The following TBC1D14 variants were observed in gnomAD, a reference collection of about 807,000 sequenced individuals.
The protein encoded by TBC1D14 is TBC1 domain family member 14.
In TBC1D14, 26 loss-of-function variants were observed where a neutral mutation model predicts 79.0. The ratio of observed to expected loss-of-function variants is 0.33; its 90% CI spans 0.24 to 0.46. The LOEUF (loss-of-function observed/expected upper bound fraction) is 0.46. Ranked by LOEUF, TBC1D14 falls within the 20% of genes least tolerant of loss-of-function variation. The probability of loss-of-function intolerance (pLI) is 1.00; values close to 1 mark genes in which losing one functional copy is unlikely to be tolerated. For synonymous variants in TBC1D14, 394 were observed against 349.9 expected, an observed-to-expected ratio of 1.13 and a Z score of -1.40; for missense variants, 769 against 887.6, an observed-to-expected ratio of 0.87 and a Z score of 1.70.
At chr4:7,027,972 A>AC (rs201452816) in intron 13 of TBC1D14, among the ~76,000 whole-genome samples, 611 of 45,858 alleles carry the variant, frequency 0.013, 8 homozygotes, top group Non-Finnish European at 0.014. Flanking sequence ...CACATTGCCC[A>AC]CCCCCCCACA....
intron 2 of TBC1D14, among the ~76,000 whole-genome samples, chr4:6,966,329 A>G (rs532712886): frequency 6.6e-6 from 1 of 152,350 alleles, no homozygotes; most frequent in South Asian, 2.1e-4. Flanking sequence ...GATACAGTGC[A>G]TTCCAAAATT....
chr4:6,997,362 C>T (rs1203428502), intron 5 of TBC1D14: 7 of 152,300 alleles, frequency 4.6e-5, no homozygotes, highest in Admixed American at 4.6e-4. Context: ...CATGGTGGCT[C>T]ACGCCTGTAA....
At chr4:6,980,064 T>A (rs1054776142) in intron 3 of TBC1D14, among the ~76,000 whole-genome samples, 3 of 152,192 alleles carry the variant, frequency 2.0e-5, no homozygotes, top group African/African-American at 7.2e-5. Context: ...TAATTCACAA[T>A]TTATAGAACA....
intron 2 of TBC1D14, among the ~76,000 whole-genome samples, chr4:6,952,528 A>T (rs1577076799): frequency 6.6e-6 from 1 of 152,230 alleles, no homozygotes; most frequent in Non-Finnish European, 1.5e-5. Flanking sequence ...AGGGTTTTTT[A>T]AATTGCAAAA....
chr4:7,025,139 C>G lies in TBC1D14; in HGVS notation c.1893C>G (p.Thr631=), dbSNP rs1185195598. 2.5e-6 allele frequency: 4 copies of G among 1,614,056 alleles called. No individual in the cohort carries two copies. The African/African-American group carries it at 5.3e-5, about 22-fold the overall frequency. The change falls in exon 13 of 14, where the codon ACC becomes ACG. Residue 631 remains threonine (T), a synonymous_variant. Transcript: ENST00000409757. The part of the protein sequence containing the change: ...GILKLFEDIL[T]KMDFIHMAQF... ...TGAAGCTGTTCGAGGACATCCTGAC[C>G]AAGATGGACTTCATTCACATGGCCC...
At chr4:6,953,079 A>C (rs1341785969) in intron 2 of TBC1D14, among the ~76,000 whole-genome samples, 1 of 135,406 alleles carries the variant, frequency 7.4e-6, no homozygotes, top group East Asian at 2.2e-4. Flanking sequence ...AGGCTGGAGT[A>C]CAATGGTGCA....
intron 2 of TBC1D14, among the ~76,000 whole-genome samples, chr4:6,952,518 A>G (rs1213555470): frequency 6.6e-6 from 1 of 152,232 alleles, no homozygotes; most frequent in East Asian, 1.9e-4. Context: ...TTGATTGTCC[A>G]GGGTTTTTTA....
chr4:6,930,614 A>G (rs1178852501), intron 2 of TBC1D14, among the ~76,000 whole-genome samples: 1 of 152,152 alleles, frequency 6.6e-6, no homozygotes, highest in African/African-American at 2.4e-5. Flanking sequence ...CCTGGCTAAC[A>G]TGGCGAAACT....
At chr4:6,948,043 G>C (rs796762776) in intron 2 of TBC1D14, among the ~76,000 whole-genome samples, 12 of 152,302 alleles carry the variant, frequency 7.9e-5, no homozygotes, top group African/African-American at 2.9e-4. Flanking sequence ...GGAGCACAGA[G>C]GAGGGACTGC....
chr4:7,001,400 C>T, intron 7 of TBC1D14, 149 bp downstream of exon 7: 3 of 676,318 alleles, frequency 4.4e-6, no homozygotes, highest in South Asian at 1.9e-5. Context: ...GAGAGAGGGG[C>T]AGTTGGGAGG....
chr4:7,024,404 T>C (rs1322292887), intron 12 of TBC1D14, among the ~76,000 whole-genome samples: 2 of 152,138 alleles, frequency 1.3e-5, no homozygotes, highest in African/African-American at 2.4e-5. Context: ...GCACTGTCAG[T>C]GTTGGGCAGG....
chr4:6,987,905 G>T (rs1462402090), intron 3 of TBC1D14, among the ~76,000 whole-genome samples: 1 of 152,224 alleles, frequency 6.6e-6, no homozygotes, highest in African/African-American at 2.4e-5. Flanking sequence ...ATTAGAAAAG[G>T]ACTCCTGAGA....
chr4:6,953,058 C>T (rs190947320), intron 2 of TBC1D14, among the ~76,000 whole-genome samples: 1 of 140,850 alleles, frequency 7.1e-6, no homozygotes, highest in East Asian at 2.1e-4. Flanking sequence ...CAGAGCCTCG[C>T]TCTGTTGCCC....
intron 4 of TBC1D14, 148 bp from the exon 5 acceptor site, chr4:6,996,175 TAA>T: frequency 1.6e-6 from 1 of 634,670 alleles, no homozygotes; most frequent in Non-Finnish European, 2.8e-6. Flanking sequence ...GAAAGCATTA[TAA>T]AAGTTTGTGA....
intron 2 of TBC1D14, among the ~76,000 whole-genome samples, chr4:6,945,657 G>A (rs1383114272): frequency 2.7e-5 from 4 of 150,550 alleles, no homozygotes; most frequent in Non-Finnish European, 4.4e-5. Flanking sequence ...GCTGAGGCAG[G>A]AGAATCGCTT....
intron 3 of TBC1D14, chr4:6,987,075 C>T (rs1717913394): frequency 2.2e-6 from 2 of 898,196 alleles, no homozygotes; most frequent in African/African-American, 1.8e-5. Context: ...CGGGGACGCC[C>T]CAGCCCCGCC....
At chr4:6,984,842 T>A (rs1365535406) in intron 3 of TBC1D14, among the ~76,000 whole-genome samples, 1 of 152,230 alleles carries the variant, frequency 6.6e-6, no homozygotes, top group Non-Finnish European at 1.5e-5. Flanking sequence ...AGGAGGGGAC[T>A]GTCTGTGTTC....
chr4:7,007,199 A>C (rs1012846272), intron 9 of TBC1D14, among the ~76,000 whole-genome samples: 1 of 152,166 alleles, frequency 6.6e-6, no homozygotes, highest in Non-Finnish European at 1.5e-5. Context: ...CCGGGGTGAC[A>C]GGTTTCTGAG....
chr4:6,994,147 A>G (rs761152258), intron 3 of TBC1D14, 37 bp from the exon 4 acceptor site: 3 of 1,549,820 alleles, frequency 1.9e-6, no homozygotes, highest in Admixed American at 1.7e-5. Context: ...ATCCTATCTG[A>G]AAGGACCTGG....
Sources: allele counts gnomAD v4.1 joint callset (sites outside exome capture counted in the v4.1 genomes callset), GRCh38; gene constraint gnomAD v4.1.1; transcripts MANE v1.5; gene names NCBI Gene and HGNC (gene_info 2026-07-23, HGNC 2026-07-21).